BRCA2: variants seen among roughly 807,000 people sequenced by gnomAD.
BRCA2 encodes BRCA2 DNA repair associated, also known as breast cancer type 2 susceptibility protein.
A neutral mutation model predicts 276.7 loss-of-function variants in BRCA2; 203 were observed. The observed-to-expected ratio is 0.73, with a 90% CI of 0.65 to 0.82. The LOEUF is 0.82. Ranked by LOEUF, BRCA2 falls within the 40% of genes least tolerant of loss-of-function variation. The pLI, the probability that BRCA2 is intolerant of heterozygous loss-of-function variation, is 0.00. For missense variants in BRCA2, 3,920 were observed against 3,915.0 expected, an observed-to-expected ratio of 1.00 and a Z score of -0.03; for synonymous variants, 1,289 against 1,338.4, an observed-to-expected ratio of 0.96 and a Z score of 0.81.
intron 24 of BRCA2, among the ~76,000 whole-genome samples, chr13:32,389,670 T>C (rs2072983946): frequency 6.6e-6 from 1 of 152,218 alleles, no homozygotes; most frequent in Admixed American, 6.5e-5. Flanking sequence ...CCTATTTAAA[T>C]GCATTTTCAA....
At chr13:32,392,427 T>C (rs1324744250) in intron 24 of BRCA2, among the ~76,000 whole-genome samples, 1 of 152,126 alleles carries the variant, frequency 6.6e-6, no homozygotes, top group Non-Finnish European at 1.5e-5. Context: ...GGCTCATGCC[T>C]GTAATCCCAG....
In BRCA2 at chr13:32,356,757, G is replaced by A. The variant is rs11571708; in HGVS notation, c.7617+148G>A. 3,013 of 1,044,006 alleles carry A rather than the reference G, an allele frequency of 2.9e-3. 56 individuals are homozygous for A. In the African/African-American group the frequency reaches 0.042, roughly 14 times the overall value. 64.7% of individuals were successfully genotyped at this position (1,044,006 alleles called of 1,614,324 possible). On this transcript the variant is annotated intron_variant, in intron 15 of 26. Transcript: ENST00000380152. ...AATCATCATATTTTCTAATTAGCCT[G>A]CAGTGGCAGCCTCTGGCCCCTTGCT...
In BRCA2 at chr13:32,341,043, A is replaced by G. The variant is rs587779366; in HGVS notation, c.6688A>G (p.Ile2230Val). 2.5e-6 allele frequency: 4 copies of G among 1,613,938 alleles called. No individual in the cohort carries two copies. The highest frequency in any genetic ancestry group is 2.7e-5 in the African/African-American group (2 of 75,056). ...ENYFETEAVE[I>V]AKAFMEDDEL... ...CTACTTTGAAACAGAAGCAGTAGAA[A>G]TTGCTAAAGCTTTTATGGAAGATGA... is the stretch of plus-strand genomic sequence containing the variant. The change falls in exon 11 of 27, where the codon ATT becomes GTT. Residue 2230 changes from isoleucine to valine, a missense_variant. Ile to Val is a conservative substitution (Grantham distance 29). Transcript: ENST00000380152.
chr13:32,341,227 C>A (rs2137531233), intron 11 of BRCA2, 31 bp downstream of exon 11: 1 of 1,613,152 alleles, frequency 6.2e-7, no homozygotes, highest in South Asian at 1.1e-5. Context: ...TTCGTGTTGC[C>A]AATCACTATT....
intron 20 of BRCA2, among the ~76,000 whole-genome samples, chr13:32,375,181 G>T (rs746112487): frequency 6.6e-6 from 1 of 152,210 alleles, no homozygotes; most frequent in Non-Finnish European, 1.5e-5. Flanking sequence ...CCCTCGACAC[G>T]TGAGGATTAC....
chr13:32,357,220 A>G (rs1323271499), intron 15 of BRCA2, among the ~76,000 whole-genome samples: 1 of 152,224 alleles, frequency 6.6e-6, no homozygotes, highest in Non-Finnish European at 1.5e-5. Flanking sequence ...CCCCAAAGTC[A>G]CTTAACTAGT....
chr13:32,349,216 C>CAA (rs55777417), intron 13 of BRCA2, among the ~76,000 whole-genome samples: 242 of 97,670 alleles, frequency 2.5e-3, no homozygotes, highest in Non-Finnish European at 2.8e-3. Flanking sequence ...GACTCTGTCT[C>CAA]AAAAAAAAAA....
intron 10 of BRCA2, among the ~76,000 whole-genome samples, chr13:32,333,793 C>T (rs1373333898): frequency 6.6e-6 from 1 of 152,110 alleles, no homozygotes; most frequent in African/African-American, 2.4e-5. Flanking sequence ...CCTGACAGAC[C>T]CTAGTGTGTG....
Position 32,399,642 on chromosome 13 carries a change from A to G in BRCA2, c.*872A>G, listed in dbSNP as rs565100089. 1.7e-5 allele frequency: 3 copies of G among 178,038 alleles called. No homozygotes were observed. In the South Asian group the frequency reaches 6.0e-4, roughly 35 times the overall value. The allele number at this position is 178,038 out of a possible 1,614,324, so 11.0% of individuals were successfully genotyped here. A position where few individuals can be genotyped will look rare whatever the true frequency, so the allele number is the denominator to read the frequency against. ...ATGGTCATCCAAACTCAAACTTGAG[A>G]AAATATCTTGCTTTCAAATTGGCAC... On this transcript the variant is annotated 3_prime_UTR_variant, in exon 27 of 27. Coordinates refer to ENST00000380152, the MANE Select transcript of BRCA2 (RefSeq NM_000059.4).
Position 32,398,313 on chromosome 13 carries a change from A to G in BRCA2, c.9800A>G (p.Lys3267Arg), listed in dbSNP as rs1323152399. Reference sequence around the variant, plus strand: ...ATTGATGACCAAAAGAACTGCAAAAAGAGAAGAGCCTTGGATTTCTTGAGT... The same window carrying G: ...ATTGATGACCAAAAGAACTGCAAAAGGAGAAGAGCCTTGGATTTCTTGAGT... ...KEIDDQKNCK[K>R]RRALDFLSRL... The change falls in exon 27 of 27, where the codon AAG (lysine) becomes AGG (arginine). Residue 3267 changes from lysine (K) to arginine (R), a missense_variant. By Grantham distance (26) the Lys-to-Arg change is conservative. Transcript: ENST00000380152. 1 of 1,614,098 alleles carries G rather than the reference A, an allele frequency of 6.2e-7. No individual in the cohort carries two copies. Among genetic ancestry groups the G allele is most frequent in the African/African-American group, 1.3e-5 (1 of 74,934 alleles).
At chr13:32,362,453 AGTT>A in intron 16 of BRCA2, 67 bp from the exon 17 acceptor site, 1 of 1,397,120 alleles carries the variant, frequency 7.2e-7, no homozygotes, top group Non-Finnish European at 1.0e-6. Context: ...TACAGAGAAT[AGTT>A]GTAGTTGTTG....
In BRCA2 at chr13:32,376,680, A is replaced by G. The variant is rs569080122; in HGVS notation, c.8643A>G (p.Thr2881=). The change falls in exon 21 of 27, where the codon ACA becomes ACG. Residue 2881 remains threonine (T), a synonymous_variant. Transcript: ENST00000380152. ...CTTTTGTTTTCTTAGAAAACACAAC[A>G]AAACCATATTTACCATCACGTGCAC... ...EEFEEHEENT[T]KPYLPSRALT... is the part of the protein sequence containing the mutation. 1 of 1,614,156 alleles carries G rather than the reference A, an allele frequency of 6.2e-7. No individual in the cohort carries two copies. Among genetic ancestry groups the G allele is most frequent in the South Asian group, 1.1e-5 (1 of 91,080 alleles).
At chr13:32,384,498 G>GTGTA (rs550574989) in intron 24 of BRCA2, among the ~76,000 whole-genome samples, 48 of 152,310 alleles carry the variant, frequency 3.2e-4, no homozygotes, top group Admixed American at 2.2e-3. Context: ...TTTATAGCAG[G>GTGTA]TGTATATATT....
chr13:32,375,823 G>A (rs2072867580), intron 20 of BRCA2, among the ~76,000 whole-genome samples: 1 of 151,682 alleles, frequency 6.6e-6, no homozygotes, highest in Non-Finnish European at 1.5e-5. Context: ...GCCTCCCAAA[G>A]TGCTGGGATT....
At chr13:32,395,468 G>A (rs1232448303) in intron 25 of BRCA2, among the ~76,000 whole-genome samples, 2 of 152,114 alleles carry the variant, frequency 1.3e-5, no homozygotes, top group Non-Finnish European at 2.9e-5. Context: ...GTCAGACCTT[G>A]TTCTAAGCTT....
chr13:32,327,609 G>T (rs867610858), intron 7 of BRCA2, among the ~76,000 whole-genome samples: 1 of 151,446 alleles, frequency 6.6e-6, no homozygotes, highest in Non-Finnish European at 1.5e-5. Flanking sequence ...GGCGGATCTT[G>T]TAGTGATCTG....
Position 32,346,834 on chromosome 13 carries a change from A to G in BRCA2, c.6945A>G (p.Ile2315Met), listed in dbSNP as rs2137541290. ...AAAATAATTGTTTCCTAGGCACAAT[A>G]AAAGATCGAAGATTGTTTATGCATC... ...KASKSTPDGT[I>M]KDRRLFMHHV... The change falls in exon 13 of 27, where the codon ATA becomes ATG. Residue 2315 changes from isoleucine to methionine, a missense_variant. Physicochemically the swap from Ile to Met is conservative, Grantham distance 10. This residue lies in a region of BRCA2 where 3,263 missense variants were observed against 3,156.9 expected (regional missense o/e 1.03). Transcript: ENST00000380152. The G allele has an allele frequency of 1.9e-6, 3 of 1,606,946 alleles. No individual in the cohort carries two copies. Among genetic ancestry groups the G allele is most frequent in the Non-Finnish European group, 2.6e-6 (3 of 1,175,394 alleles).
chr13:32,339,787 A>C lies in BRCA2; in HGVS notation c.5432A>C (p.Glu1811Ala), dbSNP rs1555284221. 1 of 1,613,896 alleles carries C rather than the reference A, an allele frequency of 6.2e-7. No individual in the cohort carries two copies. Among genetic ancestry groups the C allele is most frequent in the Non-Finnish European group, 8.5e-7 (1 of 1,179,820 alleles). ...ACTGTAAATGAAGATATTTGCGTTG[A>C]GGAACTTGTGACTAGCTCTTCACCC... ...PQTVNEDICV[E>A]ELVTSSSPCK... Residue 1811 changes from glutamate (E) to alanine (A), a missense_variant, in exon 11 of 27, where the codon GAG (glutamate) becomes GCG (alanine). Physicochemically the swap from Glu to Ala is moderately radical, Grantham distance 107. This residue lies in a region of BRCA2 where 3,263 missense variants were observed against 3,156.9 expected (regional missense o/e 1.03). Transcript: ENST00000380152.
At chr13:32,335,017 G>T (rs1019761028) in intron 10 of BRCA2, among the ~76,000 whole-genome samples, 5 of 152,094 alleles carry the variant, frequency 3.3e-5, no homozygotes, top group Admixed American at 6.6e-5. Context: ...GAAAATGTTT[G>T]ATACTATGCA....
Sources: allele counts gnomAD v4.1 joint callset (sites outside exome capture counted in the v4.1 genomes callset), GRCh38; gene constraint gnomAD v4.1.1; regional missense constraint gnomAD v4.1.1; transcripts MANE v1.5; gene names NCBI Gene and HGNC (gene_info 2026-07-23, HGNC 2026-07-21).